The following ASCC3 variants were observed in gnomAD, a reference collection of about 807,000 sequenced individuals.
ASCC3 encodes ASC-1 complex subunit P200.
In ASCC3, 158 loss-of-function variants were observed where a neutral mutation model predicts 256.3. The observed-to-expected ratio is 0.62, with a 90% CI of 0.54 to 0.70. The LOEUF (loss-of-function observed/expected upper bound fraction) is 0.70, where lower values mean the gene tolerates loss of function less well. Among genes scored for constraint, ASCC3 ranks in the 30% least tolerant of loss-of-function variants. The pLI is 0.00. For missense variants in ASCC3, 2,259 were observed against 2,626.0 expected (o/e 0.86, Z 3.05); for synonymous variants, 948 against 883.4 (o/e 1.07, Z -1.30).
intron 3 of ASCC3, among the ~76,000 whole-genome samples, chr6:100,861,797 G>A (rs1278636322): frequency 6.6e-6 from 1 of 152,028 alleles, no homozygotes. Flanking sequence ...TTCACCACAG[G>A]TACAATCCCC....
At position 100,543,287 on chromosome 6, in the gene ASCC3, A is replaced by G. The variant is rs570891612; in HGVS notation, c.5551-2900T>C. ...TTTGGGGAATAATGGCAACAAAGAA[A>G]AGTCTATACATGTTCAGTACAAATG... On this transcript the variant is annotated intron_variant, in intron 36 of 41. Transcript: ENST00000369162. Among the ~76,000 whole-genome samples, 6 of 152,254 alleles carry G rather than the reference A, an allele frequency of 3.9e-5. No homozygotes were observed. In the East Asian group the frequency reaches 9.7e-4, roughly 24 times the overall value.
rs981441145 is a variant in ASCC3, at chr6:100,516,287, G to T, written c.5968C>A (p.Arg1990=). 1.9e-6 allele frequency: 3 copies of T among 1,613,556 alleles called. No homozygotes were observed. The highest frequency in any genetic ancestry group is 1.3e-5 in the African/African-American group (1 of 74,850). The change falls in exon 39 of 42, where the codon CGG becomes AGG. Residue 1990 remains arginine, a synonymous_variant. Transcript: ENST00000369162. ...PIMKGPHARG[R]TSIESLPELI... Reference sequence around the variant, plus strand: ...TCAGGAAGGGACTCGATGGAGGTCCGACCCCTAGCATGTGGGCCCTTCATA... The same window carrying T: ...TCAGGAAGGGACTCGATGGAGGTCCTACCCCTAGCATGTGGGCCCTTCATA...
intron 4 of ASCC3, among the ~76,000 whole-genome samples, chr6:100,836,213 C>A (rs1388788069): frequency 3.3e-5 from 5 of 151,974 alleles, no homozygotes. Flanking sequence ...CAATTTAACT[C>A]CTTCCTTCCC....
At chr6:100,754,307 A>G (rs1781075899) in intron 10 of ASCC3, among the ~76,000 whole-genome samples, 1 of 152,198 alleles carries the variant, frequency 6.6e-6, no homozygotes, top group Non-Finnish European at 1.5e-5. Context: ...CCAATGCAAC[A>G]TAAAACATTG....
intron 13 of ASCC3, among the ~76,000 whole-genome samples, chr6:100,691,963 AAAC>A (rs748291669): frequency 1.3e-3 from 203 of 152,100 alleles, no homozygotes; most frequent in African/African-American, 4.6e-3. Flanking sequence ...TGGGAACAAC[AAAC>A]AATAATTACA....
In ASCC3 at chr6:100,729,716, G is replaced by A. The variant is rs150972883; in HGVS notation, c.1738-4013C>T. On this transcript the variant is annotated intron_variant, in intron 10 of 41. Coordinates refer to ENST00000369162, the MANE Select transcript of ASCC3 (RefSeq NM_006828.4). ...TATTGGAACAGTTTGTTACTTTGAA[G>A]CATATGGCTAAAAAGTAGATTTAAA... 7.6e-4 allele frequency among the ~76,000 whole-genome samples: 115 copies of A among 152,164 alleles called. 1 individual carries two copies. Among genetic ancestry groups the A allele is most frequent in the East Asian group, 5.6e-3 (29 of 5,172 alleles).
chr6:100,803,647 C>G (rs553348644), intron 5 of ASCC3, among the ~76,000 whole-genome samples: 30 of 152,208 alleles, frequency 2.0e-4, no homozygotes, highest in Admixed American at 5.2e-4. Context: ...ACAAACAGAC[C>G]TGCAGACAAA....
intron 13 of ASCC3, among the ~76,000 whole-genome samples, chr6:100,695,283 T>C (rs1778030462): frequency 6.6e-6 from 1 of 152,128 alleles, no homozygotes; most frequent in African/African-American, 2.4e-5. Flanking sequence ...ATTAATGCAA[T>C]ATGCAATCTT....
intron 8 of ASCC3, among the ~76,000 whole-genome samples, chr6:100,775,509 C>T (rs1363251166): frequency 2.0e-5 from 3 of 151,986 alleles, no homozygotes; most frequent in African/African-American, 4.8e-5. Context: ...ATACAAATTA[C>T]CACTAAATTT....
intron 36 of ASCC3, 126 bp from the exon 37 acceptor site, chr6:100,540,513 G>T (rs1232368477): frequency 2.5e-6 from 2 of 815,184 alleles, no homozygotes; most frequent in East Asian, 2.6e-5. Flanking sequence ...TTAGAATTTT[G>T]CTTGTTCAAT....
At chr6:100,762,758 T>C (rs1781474749) in intron 10 of ASCC3, among the ~76,000 whole-genome samples, 1 of 152,170 alleles carries the variant, frequency 6.6e-6, no homozygotes, top group South Asian at 2.1e-4. Context: ...ATACTTAATT[T>C]ATACAAGATT....
intron 3 of ASCC3, among the ~76,000 whole-genome samples, chr6:100,861,637 A>G (rs1329720210): frequency 6.6e-6 from 1 of 152,158 alleles, no homozygotes; most frequent in Admixed American, 6.5e-5. Flanking sequence ...CACAGCATTT[A>G]AAAATGGGTA....
chr6:100,577,890 G>C (rs79908465), intron 36 of ASCC3, among the ~76,000 whole-genome samples: 2,522 of 152,110 alleles, frequency 0.017, 61 homozygotes, highest in African/African-American at 0.058. Flanking sequence ...TAGTCTGTGG[G>C]TAGAATAGTG....
chr6:100,609,552 C>T (rs1432128559), intron 30 of ASCC3, among the ~76,000 whole-genome samples: 1 of 152,042 alleles, frequency 6.6e-6, no homozygotes, highest in Non-Finnish European at 1.5e-5. Flanking sequence ...TAAAGTAACA[C>T]AAATTTTATG....
rs1173137823 is a variant in ASCC3, at chr6:100,767,349, A to G, written c.1396-4T>C. On this transcript the variant is annotated splice_region_variant and splice_polypyrimidine_tract_variant and intron_variant, in intron 8 of 41. Coordinates refer to ENST00000369162, the MANE Select transcript of ASCC3 (RefSeq NM_006828.4). ...CTTTAAAAGCCAGCTGTCCGATCTA[A>G]AAAAAAAAGGCATCACCCATTATAA... 2.9e-6 allele frequency: 3 copies of G among 1,051,952 alleles called. No homozygotes were observed. Among genetic ancestry groups the G allele is most frequent in the Non-Finnish European group, 3.6e-6 (3 of 837,036 alleles). The allele number at this position is 1,051,952 out of a possible 1,614,324, so 65.2% of individuals were successfully genotyped here.
rs748159210 is a variant in ASCC3 at position 100,512,739 on chromosome 6, G to A, written c.6255C>T (p.Ser2085=). The A allele has an allele frequency of 9.7e-5, 156 of 1,613,934 alleles. No individual in the cohort carries two copies. Among genetic ancestry groups the A allele is most frequent in the Non-Finnish European group, 1.3e-4 (152 of 1,179,970 alleles). Reference sequence around the variant, plus strand: ...GGAACCCAAAGTGGACTCTCTGCAAGCTCACTTGAAGCACATACTCTTGGT... The same window carrying A: ...GGAACCCAAAGTGGACTCTCTGCAAACTCACTTGAAGCACATACTCTTGGT... ...HADQEYVLQV[S]LQRVHFGFHK... Residue 2085 remains serine (S), a synonymous_variant, in exon 40 of 42, where the codon AGC becomes AGT. Coordinates refer to ENST00000369162, the MANE Select transcript of ASCC3 (RefSeq NM_006828.4).
chr6:100,546,327 C>G (rs2114675275), intron 36 of ASCC3, among the ~76,000 whole-genome samples: 1 of 152,272 alleles, frequency 6.6e-6, no homozygotes, highest in Non-Finnish European at 1.5e-5. Flanking sequence ...TCAGTTGAAG[C>G]TGCAGCAGGC....
intron 30 of ASCC3, among the ~76,000 whole-genome samples, chr6:100,615,759 T>A (rs1418790222): frequency 6.6e-6 from 1 of 152,218 alleles, no homozygotes; most frequent in Non-Finnish European, 1.5e-5. Flanking sequence ...TCAAGGATAC[T>A]GAATAGCTGC....
intron 36 of ASCC3, among the ~76,000 whole-genome samples, chr6:100,546,116 C>G (rs990959025): frequency 6.6e-6 from 1 of 151,762 alleles, no homozygotes; most frequent in African/African-American, 2.4e-5. Context: ...TATTTGGAAC[C>G]AACAATCAGA....
Sources: allele counts gnomAD v4.1 joint callset (sites outside exome capture counted in the v4.1 genomes callset), GRCh38; gene constraint gnomAD v4.1.1; transcripts MANE v1.5; gene names NCBI Gene and HGNC (gene_info 2026-07-23, HGNC 2026-07-21).